The following LAMA4 variants were observed in gnomAD, a reference collection of about 807,000 sequenced individuals.
LAMA4 encodes the protein laminin subunit alpha-4.
A neutral mutation model predicts 207.1 loss-of-function variants in LAMA4; 127 were observed. That is an observed-to-expected ratio of 0.61 (90% CI 0.53 to 0.71). The LOEUF (loss-of-function observed/expected upper bound fraction) is 0.71, where lower values mean the gene tolerates loss of function less well. Among genes scored for constraint, LAMA4 ranks in the 30% least tolerant of loss-of-function variants. The probability of loss-of-function intolerance (pLI) is 0.00; values close to 1 mark genes in which losing one functional copy is unlikely to be tolerated. For synonymous variants in LAMA4, 761 were observed against 816.0 expected, an observed-to-expected ratio of 0.93 and a Z score of 1.15; for missense variants, 2,093 against 2,246.5, an observed-to-expected ratio of 0.93 and a Z score of 1.38.
chr6:112,133,256 T>C, intron 27 of LAMA4, 93 bp downstream of exon 27: 1 of 1,368,434 alleles, frequency 7.3e-7, no homozygotes, highest in Admixed American at 1.7e-5. Context: ...AAGGTGTACC[T>C]AGGATCAGAG....
chr6:112,171,304 C>G (rs1253819356), intron 12 of LAMA4, among the ~76,000 whole-genome samples: 1 of 151,490 alleles, frequency 6.6e-6, no homozygotes, highest in Admixed American at 6.6e-5. Context: ...GTCAAAAGCA[C>G]TGTTATAGGT....
chr6:112,185,368 A>G, intron 8 of LAMA4, 21 bp from the exon 9 acceptor site: 2 of 1,425,338 alleles, frequency 1.4e-6, no homozygotes, highest in Non-Finnish European at 2.0e-6. Context: ...ATGTGTTTTG[A>G]GAATAGTCAA....
chr6:112,119,870 C>G (rs1176600099), intron 33 of LAMA4, among the ~76,000 whole-genome samples: 1 of 152,162 alleles, frequency 6.6e-6, no homozygotes, highest in East Asian at 1.9e-4. Flanking sequence ...ACATACCCAC[C>G]AATTTCTTTC....
chr6:112,189,031 T>C (rs1313441831), intron 7 of LAMA4, 79 bp downstream of exon 7: 6 of 1,035,478 alleles, frequency 5.8e-6, no homozygotes, highest in South Asian at 2.6e-5. Context: ...GAGAGTGATA[T>C]TGCATAGCTT....
intron 9 of LAMA4, among the ~76,000 whole-genome samples, chr6:112,183,856 C>G (rs1010633182): frequency 2.0e-4 from 29 of 145,754 alleles, no homozygotes; most frequent in Non-Finnish European, 3.9e-4. Flanking sequence ...GAGGCTGAGG[C>G]AGGAGAATCA....
chr6:112,214,011 AGAGCTGAGAATGAACGATAGG>A, intron 3 of LAMA4: 1 of 763,402 alleles, frequency 1.3e-6, no homozygotes, highest in Non-Finnish European at 2.4e-6. Context: ...TGGCTCCCTG[AGAGCTGAGAATGAACGATAGG>A]GCAGAAGCTG....
rs1779684261 is a variant in LAMA4, at chr6:112,141,391, C to G, written c.2780G>C (p.Trp927Ser). 2 of 1,614,102 alleles carry G rather than the reference C, an allele frequency of 1.2e-6. No homozygotes were observed. The highest frequency in any genetic ancestry group is 1.7e-6 in the Non-Finnish European group (2 of 1,179,992). Reference sequence around the variant, plus strand: ...CTTGACAATGCTGAAGTAAGCAGGCCAGGAACTGACGGGCTTGGAGTCCAG... The same window carrying G: ...CTTGACAATGCTGAAGTAAGCAGGCGAGGAACTGACGGGCTTGGAGTCCAG... ...IPLDSKPVSS[W>S]PAYFSIVKIE... The change falls in exon 21 of 39, where the codon TGG becomes TCG. Residue 927 changes from tryptophan to serine, a missense_variant. Trp to Ser is a radical substitution (Grantham distance 177, BLOSUM62 -3). Around this residue, in one of 3 missense-constraint regions of LAMA4, gnomAD observed 1,704 missense variants for 1,788.4 expected, o/e 0.95. Transcript: ENST00000230538.
intron 2 of LAMA4, among the ~76,000 whole-genome samples, chr6:112,232,590 A>G (rs1477074100): frequency 6.6e-6 from 1 of 152,200 alleles, no homozygotes; most frequent in Admixed American, 6.5e-5. Flanking sequence ...ATTGCTTTAC[A>G]ATATACCATC....
chr6:112,236,538 G>T (rs1487374945), intron 2 of LAMA4: 1 of 152,150 alleles, frequency 6.6e-6, no homozygotes, highest in East Asian at 1.9e-4. Context: ...TTTAACAGTT[G>T]TTCAATATCA....
intron 2 of LAMA4, among the ~76,000 whole-genome samples, chr6:112,226,334 C>A (rs955519180): frequency 2.8e-4 from 43 of 152,180 alleles, no homozygotes; most frequent in African/African-American, 7.7e-4. Flanking sequence ...TTAGGATCAA[C>A]CTTGGCTCCC....
intron 26 of LAMA4, 96 bp from the exon 27 acceptor site, chr6:112,133,583 T>A: frequency 1.5e-6 from 2 of 1,351,460 alleles, no homozygotes; most frequent in Non-Finnish European, 2.1e-6. Context: ...TAGTCATTTG[T>A]AATGGCTTTA....
chr6:112,129,902 G>A lies in LAMA4; in HGVS notation c.4107C>T (p.Gly1369=), dbSNP rs1778926215. 6 of 1,609,926 alleles carry A rather than the reference G, an allele frequency of 3.7e-6. No homozygotes were observed. The highest frequency in any genetic ancestry group is 5.1e-6 in the Non-Finnish European group (6 of 1,177,630). The change falls in exon 30 of 39, where the codon GGC becomes GGT. Residue 1369 remains glycine, a synonymous_variant. Coordinates refer to ENST00000230538, the MANE Select transcript of LAMA4 (RefSeq NM_001105206.3). ...PISAQYANFT[G]CISNAYFTRV... is the part of the protein sequence containing the mutation. ...TGGTAAAGTAGGCATTACTTATGCA[G>A]CCAGTGAAATTAGCATACTGAGCAC...
chr6:112,242,200 A>C (rs1274296418), intron 2 of LAMA4, among the ~76,000 whole-genome samples: 1 of 152,126 alleles, frequency 6.6e-6, no homozygotes, highest in Non-Finnish European at 1.5e-5. Context: ...TTTTCTCAAA[A>C]AATATGTTCT....
intron 4 of LAMA4, among the ~76,000 whole-genome samples, chr6:112,204,492 C>T (rs1300538291): frequency 6.7e-6 from 1 of 148,996 alleles, no homozygotes; most frequent in Non-Finnish European, 1.5e-5. Flanking sequence ...AAAAAACAAA[C>T]ACTGCAGCTC....
At chr6:112,155,908 T>C (rs1780685033) in intron 14 of LAMA4, among the ~76,000 whole-genome samples, 1 of 152,232 alleles carries the variant, frequency 6.6e-6, no homozygotes, top group African/African-American at 2.4e-5. Flanking sequence ...TTTGGTTCTC[T>C]GACAGCTGCC....
intron 7 of LAMA4, among the ~76,000 whole-genome samples, chr6:112,188,326 G>C (rs1390258488): frequency 1.3e-5 from 2 of 152,184 alleles, no homozygotes; most frequent in African/African-American, 4.8e-5. Flanking sequence ...CTTCAGGCTT[G>C]GTGGGGGAGA....
intron 9 of LAMA4, among the ~76,000 whole-genome samples, chr6:112,181,343 T>A (rs1236342457): frequency 6.6e-6 from 1 of 152,218 alleles, no homozygotes; most frequent in Non-Finnish European, 1.5e-5. Flanking sequence ...AATACCTGAA[T>A]GACTTCCAGA....
At chr6:112,189,458 C>T (rs1325791685) in intron 6 of LAMA4, among the ~76,000 whole-genome samples, 1 of 152,174 alleles carries the variant, frequency 6.6e-6, no homozygotes, top group African/African-American at 2.4e-5. Context: ...GGATTTCTCT[C>T]CCAACTCTTT....
Position 112,139,742 on chromosome 6 carries a change from T to C in LAMA4, c.3110+10A>G. The C allele has an allele frequency of 1.2e-6, 2 of 1,613,694 alleles. No individual in the cohort carries two copies. Among genetic ancestry groups the C allele is most frequent in the Non-Finnish European group, 1.7e-6 (2 of 1,179,590 alleles). ...TATCCAAGTCTTTAGTACTCTTAAC[T>C]GTCTCTTACCGGGCACATGGCACTG... On this transcript the variant is annotated intron_variant, in intron 23 of 38. Transcript: ENST00000230538.
Sources: allele counts gnomAD v4.1 joint callset (sites outside exome capture counted in the v4.1 genomes callset), GRCh38; gene constraint gnomAD v4.1.1; regional missense constraint gnomAD v4.1.1; transcripts MANE v1.5; gene names NCBI Gene and HGNC (gene_info 2026-07-23, HGNC 2026-07-21).